The following DPYD variants were observed in gnomAD, a reference collection of about 807,000 sequenced individuals.
The protein encoded by DPYD is dihydropyrimidine dehydrogenase, also known as dihydropyrimidine dehydrogenase [NADP(+)].
A neutral mutation model predicts 116.2 loss-of-function variants in DPYD; 109 were observed. The ratio of observed to expected loss-of-function variants is 0.94; its 90% CI spans 0.80 to 1.10. The LOEUF (loss-of-function observed/expected upper bound fraction) is 1.10, where lower values mean the gene tolerates loss of function less well. Among genes scored for constraint, DPYD ranks in the 50% least tolerant of loss-of-function variants. The pLI is 0.00. For missense variants in DPYD, 1,302 were observed against 1,254.5 expected, an observed-to-expected ratio of 1.04 and a Z score of -0.57; for synonymous variants, 440 against 432.0, an observed-to-expected ratio of 1.02 and a Z score of -0.23.
rs534160461 is a variant in DPYD, at chr1:97,289,229, T to C, written c.2299+16030A>G. On this transcript the variant is annotated intron_variant, in intron 18 of 22. Transcript: ENST00000370192. ...CAACCAAAAAGAGTCCAGGACCAGA[T>C]GGATTCACAGCCGAATTCTACCAGA... is the stretch of plus-strand genomic sequence containing the variant. 2.7e-4 allele frequency among the ~76,000 whole-genome samples: 41 copies of C among 151,886 alleles called. No individual in the cohort carries two copies. In the East Asian group the frequency reaches 8.0e-3, roughly 29 times the overall value.
At chr1:97,805,540 C>T (rs1304276541) in intron 3 of DPYD, among the ~76,000 whole-genome samples, 2 of 151,690 alleles carry the variant, frequency 1.3e-5, no homozygotes, top group African/African-American at 4.8e-5. Context: ...AAACAATGTG[C>T]TGAGGTAGAC....
chr1:97,509,218 A>G (rs1030715092), intron 13 of DPYD, among the ~76,000 whole-genome samples: 17 of 152,006 alleles, frequency 1.1e-4, no homozygotes, highest in African/African-American at 4.1e-4. Flanking sequence ...GTTGTCTGAT[A>G]TGCAGCAATA....
chr1:97,349,922 G>A (rs1380878581), intron 16 of DPYD, among the ~76,000 whole-genome samples: 1 of 142,792 alleles, frequency 7.0e-6, no homozygotes, highest in Non-Finnish European at 1.5e-5. Flanking sequence ...GAATCAGAAA[G>A]TGGCAATGAT....
intron 3 of DPYD, among the ~76,000 whole-genome samples, chr1:97,787,364 T>C (rs139116736): frequency 3.5e-4 from 54 of 152,310 alleles, no homozygotes; most frequent in African/African-American, 1.3e-3. Context: ...TAAAGAAGTT[T>C]CAAGATGCTA....
At position 97,088,088 on chromosome 1, in the gene DPYD, T is replaced by C. The variant is rs1649647937; in HGVS notation, c.2767-5618A>G. On this transcript the variant is annotated intron_variant, in intron 21 of 22. Transcript: ENST00000370192. ...ACTGAGTTATCTAAATGCATAACCTTTTTCTTACTTCTTAGGAAACTTAGT... is the reference window on the plus strand; with the variant it reads ...ACTGAGTTATCTAAATGCATAACCTCTTTCTTACTTCTTAGGAAACTTAGT... 2.0e-5 allele frequency among the ~76,000 whole-genome samples: 3 copies of C among 152,188 alleles called. No individual in the cohort carries two copies. The South Asian group carries it at 6.2e-4, about 32-fold the overall frequency.
At chr1:97,229,118 G>T (rs1352499551) in intron 19 of DPYD, among the ~76,000 whole-genome samples, 2 of 150,428 alleles carry the variant, frequency 1.3e-5, no homozygotes, top group Non-Finnish European at 3.0e-5. Context: ...GCAGGAGAAT[G>T]GTGTGAACCC....
intron 18 of DPYD, among the ~76,000 whole-genome samples, chr1:97,282,494 T>C (rs1300028315): frequency 6.6e-6 from 1 of 152,100 alleles, no homozygotes; most frequent in Non-Finnish European, 1.5e-5. Flanking sequence ...GAAAATCATA[T>C]ATTTTCTAGA....
intron 3 of DPYD, among the ~76,000 whole-genome samples, chr1:97,784,270 T>C (rs1366854547): frequency 2.1e-5 from 3 of 144,800 alleles, no homozygotes; most frequent in Admixed American, 6.8e-5. Context: ...TTTTCCTTTT[T>C]TTAAAAAAAA....
At chr1:97,821,312 C>G (rs929949397) in intron 3 of DPYD, among the ~76,000 whole-genome samples, 2 of 102,226 alleles carry the variant, frequency 2.0e-5, no homozygotes, top group East Asian at 5.9e-4. Context: ...GCCTGGACAA[C>G]AAGACTGAAA....
rs1464094019 is a variant in DPYD at position 97,646,626 on chromosome 1, A to G, written c.850+32469T>C. 3.9e-5 allele frequency among the ~76,000 whole-genome samples: 6 copies of G among 152,118 alleles called. No homozygotes were observed. The South Asian group carries it at 1.2e-3, about 32-fold the overall frequency. On this transcript the variant is annotated intron_variant, in intron 8 of 22. Coordinates refer to ENST00000370192, the MANE Select transcript of DPYD (RefSeq NM_000110.4). ...TCCATTGCAATTTTTTTTGGAAAGT[A>G]TGCTTATCTCTTGGTAAATTAATTG...
At chr1:97,483,066 A>G (rs1371403931) in intron 13 of DPYD, among the ~76,000 whole-genome samples, 1 of 152,110 alleles carries the variant, frequency 6.6e-6, no homozygotes, top group Non-Finnish European at 1.5e-5. Context: ...CTTCCCACAT[A>G]CCATGGTAAC....
intron 22 of DPYD, among the ~76,000 whole-genome samples, chr1:97,081,585 A>G (rs1052252262): frequency 6.6e-6 from 1 of 152,126 alleles, no homozygotes; most frequent in Non-Finnish European, 1.5e-5. Flanking sequence ...TTATAAATAT[A>G]TAGGAAGTAA....
intron 2 of DPYD, among the ~76,000 whole-genome samples, chr1:97,870,454 C>A (rs1008806258): frequency 6.6e-6 from 1 of 151,600 alleles, no homozygotes; most frequent in African/African-American, 2.4e-5. Context: ...AGAGCTATGA[C>A]AGCAGAGTTC....
intron 8 of DPYD, among the ~76,000 whole-genome samples, chr1:97,658,784 A>T (rs1044596523): frequency 2.6e-5 from 4 of 152,108 alleles, no homozygotes; most frequent in Non-Finnish European, 5.9e-5. Flanking sequence ...CAACTTTTCT[A>T]ACCTACTAAC....
chr1:97,519,409 T>C (rs190593702), intron 12 of DPYD, among the ~76,000 whole-genome samples: 107 of 152,218 alleles, frequency 7.0e-4, no homozygotes, highest in Middle Eastern at 3.4e-3. Flanking sequence ...CCTGGCCCCA[T>C]GATTCAATTT....
chr1:97,770,576 A>G (rs1666087322), intron 3 of DPYD, among the ~76,000 whole-genome samples: 1 of 152,236 alleles, frequency 6.6e-6, no homozygotes, highest in Admixed American at 6.5e-5. Context: ...ACATGAGAAC[A>G]AACTGTTTTC....
chr1:97,896,692 T>C (rs1571548878), intron 1 of DPYD, among the ~76,000 whole-genome samples: 1 of 151,890 alleles, frequency 6.6e-6, no homozygotes, highest in East Asian at 1.9e-4. Flanking sequence ...ATGTACCCAT[T>C]ATCAGTCACT....
In DPYD at chr1:97,887,756, C is replaced by T. The variant is rs553248256; in HGVS notation, c.40-4382G>A. Among the ~76,000 whole-genome samples the T allele has an allele frequency of 3.3e-5, 5 of 152,044 alleles. No individual in the cohort carries two copies. The South Asian group carries it at 1.0e-3, about 32-fold the overall frequency. On this transcript the variant is annotated intron_variant, in intron 1 of 22. Coordinates refer to ENST00000370192, the MANE Select transcript of DPYD (RefSeq NM_000110.4). Reference sequence around the variant, plus strand: ...CCAAATCTCATCTTGAATTGTAGTTCCCATAATCCCCATGTGGTCATGGGA... The same window carrying T: ...CCAAATCTCATCTTGAATTGTAGTTTCCATAATCCCCATGTGGTCATGGGA...
At chr1:97,754,372 A>T (rs891114872) in intron 3 of DPYD, among the ~76,000 whole-genome samples, 1 of 152,152 alleles carries the variant, frequency 6.6e-6, no homozygotes, top group Admixed American at 6.5e-5. Flanking sequence ...ACAGGAAAAT[A>T]AAAAAGCTAA....
Sources: gnomAD v4.1 joint callset for allele counts (sites outside exome capture counted in the v4.1 genomes callset) on GRCh38, gnomAD v4.1.1 for gene constraint, MANE v1.5 for transcripts, NCBI Gene and HGNC (gene_info 2026-07-23, HGNC 2026-07-21) for gene names.